Variants in ALCAM observed in about 807,000 individuals in gnomAD.
The protein encoded by ALCAM is activated leukocyte cell adhesion molecule.
A neutral mutation model predicts 70.9 loss-of-function variants in ALCAM; 30 were observed. That is an observed-to-expected ratio of 0.42 (90% CI 0.32 to 0.57). The LOEUF (loss-of-function observed/expected upper bound fraction) is 0.57, where lower values mean the gene tolerates loss of function less well. Ranked by LOEUF, ALCAM falls within the 20% of genes least tolerant of loss-of-function variation. The pLI is 0.11. For missense variants in ALCAM, 591 were observed against 695.1 expected (o/e 0.85, Z 1.68); for synonymous variants, 249 against 242.5 (o/e 1.03, Z -0.25).
At chr3:105,536,094 T>TTTC (rs1939961483) in intron 6 of ALCAM, among the ~76,000 whole-genome samples, 1 of 116,222 alleles carries the variant, frequency 8.6e-6, no homozygotes, top group Non-Finnish European at 1.9e-5. Context: ...TCTTTCTTTC[T>TTTC]TTTTTTTTTT....
At chr3:105,524,872 G>A (rs1230345396) in intron 3 of ALCAM, 1 of 999,088 alleles carries the variant, frequency 1.0e-6, no homozygotes, top group Non-Finnish European at 1.2e-6. Flanking sequence ...ATGTAATCAT[G>A]TATATCACGC....
chr3:105,395,701 G>C (rs1935933719), intron 1 of ALCAM, among the ~76,000 whole-genome samples: 1 of 152,006 alleles, frequency 6.6e-6, no homozygotes, highest in African/African-American at 2.4e-5. Flanking sequence ...CTCTGTAACA[G>C]AGCTATAGTA....
chr3:105,444,378 C>G (rs1471388987), intron 1 of ALCAM, among the ~76,000 whole-genome samples: 1 of 152,080 alleles, frequency 6.6e-6, no homozygotes, highest in African/African-American at 2.4e-5. Flanking sequence ...GCAAGGAAAA[C>G]TGCCTTATAA....
intron 1 of ALCAM, among the ~76,000 whole-genome samples, chr3:105,445,926 T>A (rs767725852): frequency 6.0e-4 from 92 of 152,124 alleles, no homozygotes; most frequent in Non-Finnish European, 1.1e-3. Context: ...GGGCAAGGAT[T>A]TTTTTGGATA....
chr3:105,456,106 A>G (rs756382828), intron 1 of ALCAM, among the ~76,000 whole-genome samples: 13 of 152,148 alleles, frequency 8.5e-5, no homozygotes, highest in Non-Finnish European at 5.9e-5. Context: ...CAAAACAAAC[A>G]AACAAAAAAG....
intron 1 of ALCAM, among the ~76,000 whole-genome samples, chr3:105,390,836 A>G (rs1031035850): frequency 6.6e-6 from 1 of 152,100 alleles, no homozygotes; most frequent in Non-Finnish European, 1.5e-5. Flanking sequence ...TCCCAGCACC[A>G]TTTATTAAAT....
chr3:105,404,879 A>G (rs1235853355), intron 1 of ALCAM, among the ~76,000 whole-genome samples: 1 of 152,108 alleles, frequency 6.6e-6, no homozygotes, highest in Non-Finnish European at 1.5e-5. Flanking sequence ...TAAACTTATG[A>G]TAAAGGTGTG....
chr3:105,560,931 C>T (rs1940617929), intron 14 of ALCAM, among the ~76,000 whole-genome samples: 2 of 152,208 alleles, frequency 1.3e-5, no homozygotes, highest in Non-Finnish European at 1.5e-5. Context: ...AATTTCTGTG[C>T]CACAAAAAGT....
intron 1 of ALCAM, among the ~76,000 whole-genome samples, chr3:105,408,418 C>G (rs1041407269): frequency 6.6e-6 from 1 of 152,054 alleles, no homozygotes; most frequent in African/African-American, 2.4e-5. Context: ...TCCAACTGAT[C>G]TTTGACAGAG....
intron 1 of ALCAM, among the ~76,000 whole-genome samples, chr3:105,382,575 A>G (rs1576123022): frequency 1.3e-5 from 2 of 151,852 alleles, no homozygotes; most frequent in South Asian, 4.1e-4. Context: ...AAGTGTTCCT[A>G]TTTCTCCACA....
chr3:105,539,695 A>G (rs1285928224), intron 6 of ALCAM, among the ~76,000 whole-genome samples: 1 of 152,060 alleles, frequency 6.6e-6, no homozygotes, highest in Non-Finnish European at 1.5e-5. Context: ...ATGGTCTTTT[A>G]TACATAAAAT....
intron 1 of ALCAM, among the ~76,000 whole-genome samples, chr3:105,483,186 T>C (rs1938320373): frequency 6.6e-6 from 1 of 152,190 alleles, no homozygotes; most frequent in Non-Finnish European, 1.5e-5. Flanking sequence ...TTGTCTCTCT[T>C]CATTTATTAC....
chr3:105,458,667 G>C (rs1937564692), intron 1 of ALCAM, among the ~76,000 whole-genome samples: 1 of 152,156 alleles, frequency 6.6e-6, no homozygotes, highest in East Asian at 1.9e-4. Context: ...AGACCTAACT[G>C]AATACATTCT....
intron 1 of ALCAM, among the ~76,000 whole-genome samples, chr3:105,447,380 A>C (rs1937324633): frequency 6.6e-6 from 1 of 152,162 alleles, no homozygotes; most frequent in South Asian, 2.1e-4. Flanking sequence ...TGTATTTTTA[A>C]AGGTAAATCA....
intron 1 of ALCAM, among the ~76,000 whole-genome samples, chr3:105,422,874 AC>A (rs1936703099): frequency 1.3e-5 from 2 of 151,526 alleles, no homozygotes; most frequent in South Asian, 4.1e-4. Context: ...ACATAGTTGA[AC>A]AACTGAACAT....
At chr3:105,421,411 C>A (rs1195520120) in intron 1 of ALCAM, among the ~76,000 whole-genome samples, 1 of 151,276 alleles carries the variant, frequency 6.6e-6, no homozygotes, top group Non-Finnish European at 1.5e-5. Context: ...TTTCAATGAC[C>A]ACATATTCAA....
intron 14 of ALCAM, among the ~76,000 whole-genome samples, chr3:105,566,904 C>T (rs536518456): frequency 1.3e-5 from 2 of 152,054 alleles, no homozygotes; most frequent in Admixed American, 6.5e-5. Context: ...TACTTCCCTT[C>T]GAAGAACTTC....
intron 1 of ALCAM, among the ~76,000 whole-genome samples, chr3:105,483,075 C>A (rs1158019574): frequency 6.6e-6 from 1 of 152,046 alleles, no homozygotes; most frequent in Non-Finnish European, 1.5e-5. Flanking sequence ...TTTGCCTAGG[C>A]TTTCATTTTT....
At chr3:105,475,667 G>T (rs1252295936) in intron 1 of ALCAM, among the ~76,000 whole-genome samples, 1 of 151,856 alleles carries the variant, frequency 6.6e-6, no homozygotes, top group African/African-American at 2.4e-5. Flanking sequence ...TTGATTATTT[G>T]AATAAGTTTA....
Sources: allele counts gnomAD v4.1 joint callset (sites outside exome capture counted in the v4.1 genomes callset), GRCh38; gene constraint gnomAD v4.1.1; transcripts MANE v1.5; gene names NCBI Gene and HGNC (gene_info 2026-07-23, HGNC 2026-07-21).